The following ROBO2 variants were observed in gnomAD, a reference collection of about 807,000 sequenced individuals.
ROBO2 encodes roundabout homolog 2.
A neutral mutation model predicts 160.8 loss-of-function variants in ROBO2; 53 were observed. That is an observed-to-expected ratio of 0.33 (90% CI 0.26 to 0.41). ROBO2 has a LOEUF of 0.41. ROBO2 is among the 10% of genes least tolerant of loss of function. ROBO2 has a pLI of 1.00. For synonymous variants in ROBO2, 664 were observed against 611.7 expected (o/e 1.09, Z -1.26); for missense variants, 1,577 against 1,722.4 (o/e 0.92, Z 1.49).
In ROBO2 at chr3:75,947,426, C is replaced by T. The variant is rs545139543; in HGVS notation, c.109+9824C>T. ...TTGTATGGCTCATGAGTTATAAGTA[C>T]GTGTTACATTTATAAGTCTAAAATG... On this transcript the variant is annotated intron_variant, in intron 2 of 26. Coordinates refer to the ROBO2 transcript ENST00000487694. Among the ~76,000 whole-genome samples the T allele has an allele frequency of 9.9e-5, 15 of 152,102 alleles. No individual in the cohort carries two copies. The East Asian group carries it at 2.7e-3, about 28-fold the overall frequency.
chr3:76,689,569 A>G (rs1163991558), intron 2 of ROBO2, among the ~76,000 whole-genome samples: 1 of 152,158 alleles, frequency 6.6e-6, no homozygotes, highest in East Asian at 1.9e-4. Context: ...CTGCACACAA[A>G]CTTTTCCACC....
intron 2 of ROBO2, among the ~76,000 whole-genome samples, chr3:76,246,301 G>A (rs540436352): frequency 1.2e-4 from 19 of 152,198 alleles, no homozygotes; most frequent in African/African-American, 4.3e-4. Flanking sequence ...CTTTTCAAGT[G>A]CTAGGCAAGG....
intron 2 of ROBO2, among the ~76,000 whole-genome samples, chr3:76,928,207 G>A (rs1443093738): frequency 6.6e-6 from 1 of 152,084 alleles, no homozygotes; most frequent in Non-Finnish European, 1.5e-5. Flanking sequence ...TTTGAATACA[G>A]ACAAAGAGAG....
intron 2 of ROBO2, among the ~76,000 whole-genome samples, chr3:77,283,076 T>C (rs2060349270): frequency 6.6e-6 from 1 of 152,164 alleles, no homozygotes; most frequent in Non-Finnish European, 1.5e-5. Flanking sequence ...TAACAGCTAC[T>C]ACATCTTATT....
intron 2 of ROBO2, among the ~76,000 whole-genome samples, chr3:76,981,244 A>T (rs1445655231): frequency 6.6e-6 from 1 of 152,158 alleles, no homozygotes; most frequent in East Asian, 1.9e-4. Flanking sequence ...ATATGTTTTA[A>T]TCTTTTGAAG....
At chr3:77,375,849 A>C (rs1167556241) in intron 2 of ROBO2, among the ~76,000 whole-genome samples, 1 of 149,268 alleles carries the variant, frequency 6.7e-6, no homozygotes, top group African/African-American at 2.4e-5. Flanking sequence ...ACACACATAG[A>C]AAAAATAGTA....
chr3:76,763,878 G>T (rs549225801), intron 2 of ROBO2, among the ~76,000 whole-genome samples: 1 of 151,708 alleles, frequency 6.6e-6, no homozygotes, highest in Non-Finnish European at 1.5e-5. Context: ...GATCAGAGCC[G>T]CATTTGCTCT....
chr3:77,112,104 T>C (rs2073666797), intron 2 of ROBO2, among the ~76,000 whole-genome samples: 1 of 146,826 alleles, frequency 6.8e-6, no homozygotes, highest in Non-Finnish European at 1.5e-5. Flanking sequence ...TCCCAGCTAG[T>C]CGGGAAGAGC....
chr3:76,518,514 C>G (rs1018906739), intron 2 of ROBO2, among the ~76,000 whole-genome samples: 1 of 152,090 alleles, frequency 6.6e-6, no homozygotes, highest in South Asian at 2.1e-4. Context: ...CAACATTTTT[C>G]ACTCACTTCT....
chr3:76,003,456 T>C (rs1329607282), intron 2 of ROBO2, among the ~76,000 whole-genome samples: 3 of 152,244 alleles, frequency 2.0e-5, no homozygotes, highest in African/African-American at 7.2e-5. Flanking sequence ...ATAATCCCTA[T>C]GTTCTTTTTT....
At chr3:76,692,064 G>A (rs1389314411) in intron 2 of ROBO2, among the ~76,000 whole-genome samples, 1 of 152,098 alleles carries the variant, frequency 6.6e-6, no homozygotes, top group East Asian at 1.9e-4. Context: ...GATGAAGGAG[G>A]AGGAATTGGG....
intron 2 of ROBO2, among the ~76,000 whole-genome samples, chr3:76,403,265 A>G (rs1422655962): frequency 6.6e-6 from 1 of 151,678 alleles, no homozygotes; most frequent in Non-Finnish European, 1.5e-5. Flanking sequence ...TTTTCTGTAC[A>G]GGAAAATTAG....
At chr3:76,194,689 G>A (rs1056171817) in intron 2 of ROBO2, among the ~76,000 whole-genome samples, 2 of 151,002 alleles carry the variant, frequency 1.3e-5, no homozygotes, top group Non-Finnish European at 2.9e-5. Flanking sequence ...GCACAATCTC[G>A]ACTCACTGCA....
chr3:76,393,437 A>G (rs987500261), intron 2 of ROBO2, among the ~76,000 whole-genome samples: 1 of 152,186 alleles, frequency 6.6e-6, no homozygotes, highest in Non-Finnish European at 1.5e-5. Flanking sequence ...AAATTATTAG[A>G]AAAAAGTAGT....
intron 2 of ROBO2, among the ~76,000 whole-genome samples, chr3:76,335,916 A>C (rs530711711): frequency 6.6e-6 from 1 of 152,234 alleles, no homozygotes; most frequent in African/African-American, 2.4e-5. Context: ...GCTCCATTTT[A>C]TGGGGACATT....
intron 2 of ROBO2, among the ~76,000 whole-genome samples, chr3:76,757,937 G>A (rs1216322317): frequency 1.3e-5 from 2 of 151,688 alleles, no homozygotes; most frequent in African/African-American, 4.8e-5. Context: ...AAAACAATAA[G>A]GTGACTTTAA....
intron 2 of ROBO2, among the ~76,000 whole-genome samples, chr3:76,005,885 T>A (rs567805403): frequency 6.6e-6 from 1 of 152,200 alleles, no homozygotes; most frequent in African/African-American, 2.4e-5. Flanking sequence ...AGTTTTCATA[T>A]TTCTTTTTTC....
intron 2 of ROBO2, among the ~76,000 whole-genome samples, chr3:77,224,959 C>T (rs2086297631): frequency 2.6e-5 from 4 of 151,774 alleles, no homozygotes; most frequent in Admixed American, 2.0e-4. Context: ...ATAGGTTTAA[C>T]ATAAATAGCC....
chr3:76,212,549 T>C (rs1703211908), intron 2 of ROBO2, among the ~76,000 whole-genome samples: 1 of 152,094 alleles, frequency 6.6e-6, no homozygotes, highest in Non-Finnish European at 1.5e-5. Flanking sequence ...GGAATATTTG[T>C]TAGTTTGTTT....
Sources: allele counts gnomAD v4.1 joint callset (sites outside exome capture counted in the v4.1 genomes callset), GRCh38; gene constraint gnomAD v4.1.1; transcripts MANE v1.5; gene names NCBI Gene and HGNC (gene_info 2026-07-23, HGNC 2026-07-21).